Variants in DGKH observed in about 807,000 individuals in gnomAD.
The protein encoded by DGKH is diacylglycerol kinase eta.
Under a neutral mutation model 159.3 loss-of-function variants are expected in DGKH, and 90 were observed. The observed-to-expected ratio is 0.57, with a 90% CI of 0.48 to 0.67. DGKH has a LOEUF of 0.67. Among genes scored for constraint, DGKH ranks in the 30% least tolerant of loss-of-function variants. The pLI, the probability that DGKH is intolerant of heterozygous loss-of-function variation, is 0.00. For missense variants in DGKH, 1,181 were observed against 1,506.1 expected, an observed-to-expected ratio of 0.78 and a Z score of 3.57; for synonymous variants, 536 against 553.8, an observed-to-expected ratio of 0.97 and a Z score of 0.45.
chr13:42,057,369 A>G (rs1316149428), intron 1 of DGKH, among the ~76,000 whole-genome samples: 1 of 152,214 alleles, frequency 6.6e-6, no homozygotes, highest in East Asian at 1.9e-4. Flanking sequence ...TATTTTATGT[A>G]GGTAAGAAAA....
At chr13:42,104,834 T>C (rs1352420575) in intron 1 of DGKH, among the ~76,000 whole-genome samples, 2 of 152,166 alleles carry the variant, frequency 1.3e-5, no homozygotes, top group Non-Finnish European at 2.9e-5. Flanking sequence ...TCCTCATCAT[T>C]ATTTGGCTGA....
At chr13:42,105,060 C>T (rs975920539) in intron 1 of DGKH, among the ~76,000 whole-genome samples, 1 of 151,682 alleles carries the variant, frequency 6.6e-6, no homozygotes, top group African/African-American at 2.4e-5. Flanking sequence ...TAGTTTTAAA[C>T]CTTTATGACT....
intron 3 of DGKH, among the ~76,000 whole-genome samples, chr13:42,141,696 T>C (rs1955565816): frequency 6.6e-6 from 1 of 152,168 alleles, no homozygotes; most frequent in Non-Finnish European, 1.5e-5. Flanking sequence ...TATAAATGTC[T>C]TCTTTTGAGA....
intron 29 of DGKH, among the ~76,000 whole-genome samples, chr13:42,249,687 T>C (rs1958606689): frequency 6.6e-6 from 1 of 152,202 alleles, no homozygotes; most frequent in Admixed American, 6.5e-5. Flanking sequence ...TGTTGGCACA[T>C]CCCTACACTA....
intron 1 of DGKH, among the ~76,000 whole-genome samples, chr13:42,091,049 C>A (rs7327524): frequency 7.7e-4 from 117 of 152,272 alleles, no homozygotes; most frequent in African/African-American, 2.7e-3. Context: ...GTGAGAAATA[C>A]ATTTCTGTTG....
intron 1 of DGKH, among the ~76,000 whole-genome samples, chr13:42,106,086 C>A (rs1364791984): frequency 1.3e-5 from 2 of 151,972 alleles, no homozygotes; most frequent in South Asian, 2.1e-4. Context: ...TGGCTCACTG[C>A]AACCTTCGCC....
intron 12 of DGKH, among the ~76,000 whole-genome samples, chr13:42,174,400 T>C (rs747098854): frequency 6.6e-6 from 1 of 152,192 alleles, no homozygotes; most frequent in South Asian, 2.1e-4. Context: ...GGACTCTTCA[T>C]GTGTAAAGTG....
In DGKH at chr13:42,229,115, A is replaced by T; in HGVS notation, c.3590A>T (p.Lys1197Ile). 1 of 1,611,018 alleles carries T rather than the reference A, an allele frequency of 6.2e-7. No individual in the cohort carries two copies. Residue 1197 changes from lysine (K) to isoleucine (I), a missense_variant, in exon 30 of 30, where the codon AAA becomes ATA. This residue lies in a region of DGKH where 84 missense variants were observed against 77.9 expected (regional missense o/e 1.08). Coordinates refer to ENST00000337343, the MANE Select transcript of DGKH (RefSeq NM_178009.5). Reference protein sequence around the residue: ...RRDLKDLGIPKVGHVKRILQG... With the variant: ...RRDLKDLGIPIVGHVKRILQG... ...TTATTTTAGGATCTGGGGATACCGA[A>T]AGTGGGTCATGTGAAGCGAATTCTC... is the stretch of plus-strand genomic sequence containing the variant.
chr13:42,133,170 C>A (rs369345318), intron 3 of DGKH, among the ~76,000 whole-genome samples: 32 of 141,836 alleles, frequency 2.3e-4, no homozygotes, highest in South Asian at 2.3e-4. Flanking sequence ...GACTTTGTCT[C>A]AAAAAAAAAA....
chr13:42,099,660 A>C (rs151336985), intron 1 of DGKH, among the ~76,000 whole-genome samples: 3 of 152,250 alleles, frequency 2.0e-5, no homozygotes, highest in Non-Finnish European at 4.4e-5. Flanking sequence ...TTGTGTGCCA[A>C]CTACGAGCTA....
chr13:42,193,021 T>A (rs1037537653), intron 16 of DGKH, among the ~76,000 whole-genome samples: 3 of 152,226 alleles, frequency 2.0e-5, no homozygotes, highest in Non-Finnish European at 4.4e-5. Flanking sequence ...AACTTTTATC[T>A]TTTTTATTTA....
chr13:42,131,893 A>G (rs1955297979), intron 3 of DGKH, among the ~76,000 whole-genome samples: 1 of 152,228 alleles, frequency 6.6e-6, no homozygotes, highest in African/African-American at 2.4e-5. Flanking sequence ...ACAGGATCCA[A>G]CAACCACTAA....
At chr13:42,058,261 C>G (rs1881901265) in intron 1 of DGKH, among the ~76,000 whole-genome samples, 1 of 152,000 alleles carries the variant, frequency 6.6e-6, no homozygotes, top group Non-Finnish European at 1.5e-5. Flanking sequence ...ATAACAAAAC[C>G]AATTTTCTTT....
rs571473182 is a variant in DGKH, at chr13:42,241,004, C to G, written c.*11816C>G. 2.0e-5 allele frequency: 3 copies of G among 152,016 alleles called. No individual in the cohort carries two copies. The highest frequency in any genetic ancestry group is 4.4e-5 in the Non-Finnish European group (3 of 68,082). The allele number at this position is 152,016 out of a possible 1,614,324, so 9.4% of individuals were successfully genotyped here. ...ATGCACACCTGTAATCCCAGCTACT[C>G]GGGAGGCTGAGGCAGGAGAATTGCT... On this transcript the variant is annotated 3_prime_UTR_variant, in exon 30 of 30. Coordinates refer to ENST00000337343, the MANE Select transcript of DGKH (RefSeq NM_178009.5).
chr13:42,215,169 T>TC (rs995091494), intron 25 of DGKH, among the ~76,000 whole-genome samples: 2 of 152,026 alleles, frequency 1.3e-5, no homozygotes, highest in African/African-American at 4.8e-5. Context: ...TTTTTTTTTT[T>TC]AATTATTTGA....
intron 9 of DGKH, among the ~76,000 whole-genome samples, chr13:42,168,054 A>T (rs759986579): frequency 4.6e-5 from 7 of 152,170 alleles, no homozygotes; most frequent in Non-Finnish European, 8.8e-5. Flanking sequence ...GTCACTCATT[A>T]GCATCAGCAC....
downstream of DGKH, among the ~76,000 whole-genome samples, chr13:42,247,134 A>C (rs238340): frequency 0.35 from 52,829 of 151,976 alleles, 9,704 homozygotes; most frequent in Non-Finnish European, 0.41. Flanking sequence ...AAAGTACCAT[A>C]TAACACACAC....
At chr13:42,210,472 T>C (rs1325181862) in intron 23 of DGKH, 130 bp from the exon 24 acceptor site, 3 of 888,032 alleles carry the variant, frequency 3.4e-6, no homozygotes, top group South Asian at 1.8e-5. Flanking sequence ...CTTTGAAATG[T>C]CTTTTTTATA....
intron 29 of DGKH, among the ~76,000 whole-genome samples, chr13:42,251,020 T>C (rs932673927): frequency 2.0e-5 from 3 of 152,230 alleles, no homozygotes; most frequent in African/African-American, 7.2e-5. Flanking sequence ...AAAGTAAAAT[T>C]TGGTCTCTAT....
Sources: gnomAD v4.1 joint callset for allele counts (sites outside exome capture counted in the v4.1 genomes callset) on GRCh38, gnomAD v4.1.1 for gene constraint, gnomAD v4.1.1 regional missense constraint, MANE v1.5 for transcripts, NCBI Gene and HGNC (gene_info 2026-07-23, HGNC 2026-07-21) for gene names.